The following SUPT3H variants were observed in gnomAD, a reference collection of about 807,000 sequenced individuals.
SUPT3H encodes SPT3 homolog, SAGA and STAGA complex component.
In SUPT3H, 44 loss-of-function variants were observed where a neutral mutation model predicts 44.3. The observed-to-expected ratio is 0.99, with a 90% confidence interval of 0.78 to 1.28. The LOEUF is 1.28. Among genes scored for constraint, SUPT3H ranks in the 50% most tolerant of loss-of-function variants. The probability of loss-of-function intolerance (pLI) is 0.00; values close to 1 mark genes in which losing one functional copy is unlikely to be tolerated. For missense variants in SUPT3H, 380 were observed against 387.1 expected, an observed-to-expected ratio of 0.98 and a Z score of 0.15; for synonymous variants, 124 against 125.6, an observed-to-expected ratio of 0.99 and a Z score of 0.09.
intron 10 of SUPT3H, among the ~76,000 whole-genome samples, chr6:44,851,754 C>A (rs1237103403): frequency 6.6e-6 from 1 of 152,106 alleles, no homozygotes; most frequent in Non-Finnish European, 1.5e-5. Context: ...TTATGAAATA[C>A]TAGAGTGCCT....
chr6:44,954,603 T>A lies in SUPT3H; in HGVS notation c.585A>T (p.Lys195Asn), dbSNP rs1774834798. ...FCESRQLSFSKKASKFRDWLD... is the reference protein window; with the variant it reads ...FCESRQLSFSNKASKFRDWLD... ...ACCAGTCTCGAAATTTGGAAGCTTT[T>A]TTGGCTGGCCATTTAAAAAAAACAA... The change falls in exon 8 of 11, where the codon AAA (lysine) becomes AAT (asparagine). Residue 195 changes from lysine to asparagine, a missense_variant. Physicochemically the swap from Lys to Asn is moderately conservative, Grantham distance 94. Transcript: ENST00000371459. 1 of 1,609,010 alleles carries A rather than the reference T, an allele frequency of 6.2e-7. No homozygotes were observed. Among genetic ancestry groups the A allele is most frequent in the African/African-American group, 1.3e-5 (1 of 74,858 alleles).
chr6:45,233,877 G>A lies in SUPT3H; in HGVS notation c.102-127871C>T, dbSNP rs1336530169. On this transcript the variant is annotated intron_variant, in intron 2 of 10. Coordinates refer to ENST00000371459, the MANE Select transcript of SUPT3H (RefSeq NM_003599.4). ...CCTTTCTATTAACTCTTTTAGAACAGTATGACTAAAACTATAAATTACCTT... is the reference window on the plus strand; with the variant it reads ...CCTTTCTATTAACTCTTTTAGAACAATATGACTAAAACTATAAATTACCTT... Among the ~76,000 whole-genome samples, 10 of 152,102 alleles carry A rather than the reference G, an allele frequency of 6.6e-5. No homozygotes were observed. The East Asian group carries it at 1.9e-3, about 29-fold the overall frequency.
At chr6:44,887,842 A>G (rs1177200707) in intron 10 of SUPT3H, among the ~76,000 whole-genome samples, 2 of 151,974 alleles carry the variant, frequency 1.3e-5, no homozygotes, top group African/African-American at 4.8e-5. Context: ...TGGTTTTTTG[A>G]AAGGATCAAC....
chr6:45,298,789 A>G (rs1178665803), intron 2 of SUPT3H, among the ~76,000 whole-genome samples: 1 of 152,176 alleles, frequency 6.6e-6, no homozygotes, highest in Non-Finnish European at 1.5e-5. Context: ...CCACTAAAGT[A>G]ACTCTCTAGA....
intron 7 of SUPT3H, 143 bp from the exon 8 acceptor site, chr6:44,954,750 A>C: frequency 1.6e-6 from 1 of 617,390 alleles, no homozygotes; most frequent in Non-Finnish European, 2.8e-6. Flanking sequence ...TAATGTCTAG[A>C]TATTCTGGCC....
chr6:45,179,878 G>C (rs2153612503), intron 2 of SUPT3H, among the ~76,000 whole-genome samples: 1 of 152,260 alleles, frequency 6.6e-6, no homozygotes, highest in South Asian at 2.1e-4. Flanking sequence ...AGGGCAATTA[G>C]GCAGGAGGAA....
intron 9 of SUPT3H, among the ~76,000 whole-genome samples, chr6:44,949,278 A>G (rs774844085): frequency 1.3e-5 from 2 of 152,160 alleles, no homozygotes; most frequent in Non-Finnish European, 2.9e-5. Flanking sequence ...ATTACGAGAC[A>G]TACCTAGTGT....
intron 3 of SUPT3H, among the ~76,000 whole-genome samples, chr6:45,074,223 C>T (rs1794729970): frequency 6.6e-6 from 1 of 151,732 alleles, no homozygotes; most frequent in South Asian, 2.1e-4. Flanking sequence ...TAAATATGGA[C>T]CACAAAATTA....
intron 2 of SUPT3H, among the ~76,000 whole-genome samples, chr6:45,314,098 T>C (rs1219773973): frequency 6.6e-6 from 1 of 152,144 alleles, no homozygotes; most frequent in Non-Finnish European, 1.5e-5. Flanking sequence ...AGCATCCCTT[T>C]ATGATCAAAA....
intron 9 of SUPT3H, among the ~76,000 whole-genome samples, chr6:44,939,158 G>A (rs1771981256): frequency 6.6e-6 from 1 of 152,098 alleles, no homozygotes; most frequent in Admixed American, 6.6e-5. Flanking sequence ...TTCTTTGAGG[G>A]AACGCTTTCA....
chr6:45,098,482 C>T, intron 3 of SUPT3H: 2 of 239,824 alleles, frequency 8.3e-6, no homozygotes, highest in South Asian at 1.4e-4. Context: ...GCTTGGACCA[C>T]ACCCTCCTAC....
At chr6:45,356,396 T>G (rs1793188064) in intron 2 of SUPT3H, among the ~76,000 whole-genome samples, 1 of 151,940 alleles carries the variant, frequency 6.6e-6, no homozygotes, top group Non-Finnish European at 1.5e-5. Context: ...CAATTCTCAT[T>G]TCTTTTTTTT....
chr6:44,944,164 G>C (rs1562100654), intron 9 of SUPT3H, among the ~76,000 whole-genome samples: 1 of 151,896 alleles, frequency 6.6e-6, no homozygotes, highest in Non-Finnish European at 1.5e-5. Context: ...ATATATACAA[G>C]AGTCTTACAT....
At chr6:44,857,664 G>T (rs1449973683) in intron 10 of SUPT3H, among the ~76,000 whole-genome samples, 1 of 151,872 alleles carries the variant, frequency 6.6e-6, no homozygotes, top group South Asian at 2.1e-4. Flanking sequence ...CTTTTTAGTC[G>T]ATTTTTCTTA....
intron 2 of SUPT3H, among the ~76,000 whole-genome samples, chr6:45,316,434 A>T (rs938713864): frequency 6.6e-6 from 1 of 151,902 alleles, no homozygotes; most frequent in Non-Finnish European, 1.5e-5. Context: ...AAAATACTGT[A>T]TCAAGCAAAA....
intron 2 of SUPT3H, among the ~76,000 whole-genome samples, chr6:45,279,547 TTGCTCC>T (rs947822315): frequency 6.6e-6 from 1 of 152,068 alleles, no homozygotes. Flanking sequence ...CCTTTCTGAA[TTGCTCC>T]TGCTCCTGCT....
intron 2 of SUPT3H, among the ~76,000 whole-genome samples, chr6:45,234,356 C>T (rs902084315): frequency 6.6e-6 from 1 of 151,822 alleles, no homozygotes; most frequent in East Asian, 1.9e-4. Flanking sequence ...CATGGTGAAA[C>T]CCTGTCTCTA....
At chr6:44,950,760 C>T (rs1774160036) in intron 9 of SUPT3H, among the ~76,000 whole-genome samples, 1 of 150,204 alleles carries the variant, frequency 6.7e-6, no homozygotes, top group Non-Finnish European at 1.5e-5. Flanking sequence ...CTTGAGTTTC[C>T]AATTCTAATC....
intron 2 of SUPT3H, among the ~76,000 whole-genome samples, chr6:45,209,595 T>C (rs1001711239): frequency 6.6e-6 from 1 of 152,240 alleles, no homozygotes; most frequent in Admixed American, 6.5e-5. Context: ...GAGTTGCTTC[T>C]TATGGATGAG....
Sources: allele counts gnomAD v4.1 joint callset (sites outside exome capture counted in the v4.1 genomes callset), GRCh38; gene constraint gnomAD v4.1.1; transcripts MANE v1.5; gene names NCBI Gene and HGNC (gene_info 2026-07-23, HGNC 2026-07-21).